IRAK3: variants seen among roughly 807,000 people sequenced by gnomAD.
IRAK3 encodes the protein interleukin-1 receptor-associated kinase 3.
Under a neutral mutation model 56.6 loss-of-function variants are expected in IRAK3, and 57 were observed. That is an observed-to-expected ratio of 1.01 (90% confidence interval 0.81 to 1.26). The LOEUF (loss-of-function observed/expected upper bound fraction) is 1.26, where lower values mean the gene tolerates loss of function less well. Ranked by LOEUF, IRAK3 falls within the 50% of genes most tolerant of loss-of-function variation. The pLI, the probability that IRAK3 is intolerant of heterozygous loss-of-function variation, is 0.00. For missense variants in IRAK3, 703 were observed against 719.0 expected (o/e 0.98, Z 0.25); for synonymous variants, 258 against 255.7 (o/e 1.01, Z -0.09).
At chr12:66,241,270 A>C (rs1299873123) in intron 8 of IRAK3, among the ~76,000 whole-genome samples, 2 of 152,208 alleles carry the variant, frequency 1.3e-5, no homozygotes, top group Admixed American at 1.3e-4. Flanking sequence ...TGTGATAAAG[A>C]GTAGAACAAA....
chr12:66,228,469 T>C (rs2052811632), intron 8 of IRAK3, 99 bp downstream of exon 8: 1 of 829,526 alleles, frequency 1.2e-6, no homozygotes, highest in Non-Finnish European at 2.1e-6. Context: ...TCTCCTGGTA[T>C]GTATGTGTGT....
chr12:66,193,607 T>C (rs2052420576), intron 1 of IRAK3, among the ~76,000 whole-genome samples: 1 of 119,326 alleles, frequency 8.4e-6, no homozygotes, highest in Non-Finnish European at 1.8e-5. Flanking sequence ...TTGGCTGTGA[T>C]GGTTTCTCAG....
chr12:66,206,112 A>G (rs1304615002), intron 2 of IRAK3, among the ~76,000 whole-genome samples: 4 of 152,180 alleles, frequency 2.6e-5, no homozygotes, highest in Non-Finnish European at 5.9e-5. Flanking sequence ...TCCATTTTAT[A>G]TGACAATGAA....
At chr12:66,217,277 G>T (rs923901077) in intron 6 of IRAK3, 42 bp downstream of exon 6, 7 of 1,377,338 alleles carry the variant, frequency 5.1e-6, no homozygotes, top group Admixed American at 1.7e-5. Flanking sequence ...TTTGTGCCTG[G>T]GTTTCATCTC....
chr12:66,224,222 T>C (rs1212754329), intron 6 of IRAK3, among the ~76,000 whole-genome samples: 1 of 152,228 alleles, frequency 6.6e-6, no homozygotes, highest in East Asian at 1.9e-4. Flanking sequence ...ATCTCCATTT[T>C]GCAGATGAGG....
Position 66,244,647 on chromosome 12 carries a change from A to G in IRAK3, c.1049A>G (p.Lys350Arg). The G allele has an allele frequency of 3.1e-6, 5 of 1,614,088 alleles. No individual in the cohort carries two copies. Among genetic ancestry groups the G allele is most frequent in the Non-Finnish European group, 4.2e-6 (5 of 1,179,982 alleles). Residue 350 changes from lysine (K) to arginine (R), a missense_variant, in exon 9 of 12, where the codon AAA becomes AGA. Transcript: ENST00000261233. ...YMPEEYIRQG[K>R]LSIKTDVYSF... ...CCAGAAGAGTACATCAGACAGGGGA[A>G]ACTTTCCATTAAAACAGATGTCTAC...
In IRAK3 at chr12:66,203,798, G is replaced by C. The variant is rs561056770; in HGVS notation, c.221G>C (p.Trp74Ser). ...AAAAGTGGAACAAGAGAATTACTTT[G>C]GTCCTGGGCACAGAAAAACAAGACC... ...QGKSGTRELL[W>S]SWAQKNKTIG... Residue 74 changes from tryptophan (W) to serine (S), a missense_variant, in exon 2 of 12, where the codon TGG (tryptophan) becomes TCG (serine). Physicochemically the swap from Trp to Ser is radical, Grantham distance 177 (BLOSUM62 -3). Transcript: ENST00000261233. The C allele has an allele frequency of 7.4e-6, 12 of 1,613,946 alleles. No individual in the cohort carries two copies. The East Asian group carries it at 2.5e-4, about 33-fold the overall frequency.
intron 1 of IRAK3, chr12:66,197,015 A>C: frequency 6.5e-7 from 1 of 1,531,722 alleles, no homozygotes; most frequent in Non-Finnish European, 8.7e-7. Context: ...ACATATTTGC[A>C]TATGGAGACG....
In IRAK3 at chr12:66,253,241, A is replaced by C. The variant is rs906775599; in HGVS notation, c.*5070A>C. ...ATTGCTTAAATTATTCCATTTCATC[A>C]TTCTTGAATAAAAGCTACTAATTTT... On this transcript the variant is annotated 3_prime_UTR_variant, in exon 12 of 12. Transcript: ENST00000261233. 1.4e-4 allele frequency: 21 copies of C among 152,204 alleles called. No homozygotes were observed. Among genetic ancestry groups the C allele is most frequent in the African/African-American group, 5.1e-4 (21 of 41,442 alleles). The allele number at this position is 152,204 out of a possible 1,614,324, so 9.4% of individuals were successfully genotyped here.
At chr12:66,204,800 A>G (rs2052543836) in intron 2 of IRAK3, among the ~76,000 whole-genome samples, 1 of 146,562 alleles carries the variant, frequency 6.8e-6, no homozygotes, top group African/African-American at 2.6e-5. Context: ...ACACACACAC[A>G]CACACACACA....
Position 66,226,800 on chromosome 12 carries a change from T to C in IRAK3, c.731T>C (p.Met244Thr), listed in dbSNP as rs1011912927. The C allele has an allele frequency of 6.2e-7, 1 of 1,604,526 alleles. No homozygotes were observed. Residue 244 changes from methionine (M) to threonine (T), a missense_variant, in exon 7 of 12, where the codon ATG becomes ACG. By Grantham distance (81) the Met-to-Thr change is moderately conservative. Transcript: ENST00000261233. ...TEKFCLIYPY[M>T]RNGTLFDRLQ... The stretch of plus-strand genomic sequence containing the variant: ...AAGTTCTGTCTGATTTATCCATACA[T>C]GAGAAATGGAACACTTTTTGACAGA...
chr12:66,195,359 G>T (rs139843292), intron 1 of IRAK3, among the ~76,000 whole-genome samples: 23 of 152,252 alleles, frequency 1.5e-4, no homozygotes, highest in African/African-American at 5.3e-4. Context: ...TACTGCCCTT[G>T]ACCTCCTTGA....
At chr12:66,241,380 C>G (rs1026978227) in intron 8 of IRAK3, among the ~76,000 whole-genome samples, 1 of 152,040 alleles carries the variant, frequency 6.6e-6, no homozygotes, top group Non-Finnish European at 1.5e-5. Context: ...TGCAGGCTGC[C>G]CTTTTGCATG....
intron 8 of IRAK3, chr12:66,234,276 G>C (rs923156792): frequency 3.7e-6 from 6 of 1,613,114 alleles, no homozygotes; most frequent in Non-Finnish European, 5.1e-6. Flanking sequence ...TGCTGGGCCA[G>C]AGGGCTGATC....
rs766824626 is a variant in IRAK3 at position 66,211,848 on chromosome 12, C to T, written c.588+251C>T. The stretch of plus-strand genomic sequence containing the variant: ...TTTCTGGGCTGGGTGTGGTGGTTCA[C>T]GCCTGTAATCCCAGCACTTTGGGAG... On this transcript the variant is annotated intron_variant, in intron 5 of 11. Coordinates refer to ENST00000261233, the MANE Select transcript of IRAK3 (RefSeq NM_007199.3). 3.5e-4 allele frequency among the ~76,000 whole-genome samples: 54 copies of T among 152,214 alleles called. 1 individual carries two copies. The highest frequency in any genetic ancestry group is 1.2e-3 in the African/African-American group (49 of 41,532).
chr12:66,226,883 C>A, intron 7 of IRAK3, 46 bp downstream of exon 7: 1 of 1,163,370 alleles, frequency 8.6e-7, no homozygotes, highest in Non-Finnish European at 1.3e-6. Flanking sequence ...CCCCTTGAAT[C>A]CCTGGGAGAG....
chr12:66,196,844 A>G (rs2052458282), intron 1 of IRAK3: 4 of 1,457,260 alleles, frequency 2.7e-6, no homozygotes, highest in Admixed American at 2.9e-5. Context: ...CATGCTTTGT[A>G]GAAAGAAAGA....
intron 8 of IRAK3, among the ~76,000 whole-genome samples, chr12:66,243,453 T>C (rs1239644855): frequency 6.6e-6 from 1 of 152,224 alleles, no homozygotes; most frequent in Non-Finnish European, 1.5e-5. Flanking sequence ...TTAGATGCTT[T>C]GGTTTCAGGA....
intron 2 of IRAK3, among the ~76,000 whole-genome samples, chr12:66,204,778 G>GCGCGCGCGCACA (rs1026097833): frequency 1.3e-3 from 197 of 147,916 alleles, no homozygotes; most frequent in African/African-American, 4.7e-3. Context: ...GAGCCCTTGC[G>GCGCGCGCGCACA]CACACACACA....
Sources: allele counts gnomAD v4.1 joint callset (sites outside exome capture counted in the v4.1 genomes callset), GRCh38; gene constraint gnomAD v4.1.1; transcripts MANE v1.5; gene names NCBI Gene and HGNC (gene_info 2026-07-23, HGNC 2026-07-21).